The following CYLC2 variants were observed in gnomAD, a reference collection of about 807,000 sequenced individuals.
CYLC2 encodes the protein cylicin 2.
In CYLC2, 30 loss-of-function variants were observed where a neutral mutation model predicts 26.1. The ratio of observed to expected loss-of-function variants is 1.15; its 90% CI spans 0.86 to 1.56. The LOEUF (loss-of-function observed/expected upper bound fraction) is 1.56, where lower values mean the gene tolerates loss of function less well. Among genes scored for constraint, CYLC2 ranks in the 40% most tolerant of loss-of-function variants. The pLI is 0.00. For missense variants in CYLC2, 498 were observed against 394.4 expected, an observed-to-expected ratio of 1.26 and a Z score of -2.23; for synonymous variants, 158 against 132.8, an observed-to-expected ratio of 1.19 and a Z score of -1.31.
At chr9:103,017,437 G>T (rs1829518819) in intron 7 of CYLC2, among the ~76,000 whole-genome samples, 1 of 151,990 alleles carries the variant, frequency 6.6e-6, no homozygotes, top group African/African-American at 2.4e-5. Flanking sequence ...ACACAAATTA[G>T]AGTTTTAGTT....
rs775512382 is a variant in CYLC2, at chr9:103,005,327, A to T, written c.696A>T (p.Ile232=). The T allele has an allele frequency of 5.6e-6, 9 of 1,613,808 alleles. No homozygotes were observed. Among genetic ancestry groups the T allele is most frequent in the Middle Eastern group, 1.6e-4 (1 of 6,082 alleles). The stretch of plus-strand genomic sequence containing the variant: ...CAAAGAAGGGCAAGGATTCAGCCAT[A>T]GAATTACAAGCTGTAAAAGCAGATG... ...KDSKKGKDSA[I]ELQAVKADEK... Residue 232 remains isoleucine, a synonymous_variant, in exon 5 of 8, where the codon ATA becomes ATT. Coordinates refer to ENST00000374798, the MANE Select transcript of CYLC2 (RefSeq NM_001340.5).
At chr9:103,003,326 CATA>C (rs1829307944) in intron 3 of CYLC2, 63 bp downstream of exon 3, 1 of 1,380,544 alleles carries the variant, frequency 7.2e-7, no homozygotes, top group Non-Finnish European at 1.0e-6. Context: ...TAATTATAAC[CATA>C]ATAAGTAATT....
chr9:103,006,017 G>GACACATACAC lies in CYLC2; in HGVS notation c.*344_*345insTACACACACA, dbSNP rs1829344805. ...TGAAGATAATGACACTAAATCTATG[G>GACACATACAC]ACACACACACACACACACACACACA... On this transcript the variant is annotated 3_prime_UTR_variant, in exon 5 of 8. Transcript: ENST00000374798. 2.5e-5 allele frequency: 3 copies of GACACATACAC among 120,036 alleles called. No homozygotes were observed. The allele number at this position is 120,036 out of a possible 1,614,324, so 7.4% of individuals were successfully genotyped here.
intron 3 of CYLC2, among the ~76,000 whole-genome samples, chr9:103,004,175 A>C (rs1829315796): frequency 6.6e-6 from 1 of 152,104 alleles, no homozygotes; most frequent in Non-Finnish European, 1.5e-5. Context: ...TTCAGTTACC[A>C]ATCTGATCAT....
Position 103,005,236 on chromosome 9 carries a change from C to A in CYLC2, c.605C>A (p.Ser202Ter), listed in dbSNP as rs761541743. The A allele has an allele frequency of 1.9e-6, 3 of 1,612,120 alleles. No homozygotes were observed. The highest frequency in any genetic ancestry group is 1.7e-6 in the Non-Finnish European group (2 of 1,179,558). Reference sequence around the variant, plus strand: ...AAGGATTCAAACAAAGGCAAAGACTCGGCAACAGAATCTGAAGGTGAAAAA... The same window carrying A: ...AAGGATTCAAACAAAGGCAAAGACTAGGCAACAGAATCTGAAGGTGAAAAA... Reference protein sequence around the residue: ...DKKDSNKGKDSATESEGEKGG... With the variant: ...DKKDSNKGKD The change falls in exon 5 of 8, where the codon TCG becomes TAG. Residue 202 changes from serine (S) to a stop codon, truncating the protein, a stop_gained. Coordinates refer to ENST00000374798, the MANE Select transcript of CYLC2 (RefSeq NM_001340.5). LOFTEE classifies it high-confidence loss of function.
chr9:103,009,391 A>G (rs1292905062), intron 5 of CYLC2, among the ~76,000 whole-genome samples: 2 of 151,876 alleles, frequency 1.3e-5, no homozygotes, highest in African/African-American at 4.8e-5. Context: ...TTTTGTAGAG[A>G]TGGAGTTTTG....
chr9:103,001,529 A>T (rs1829288807), intron 1 of CYLC2, 49 bp from the exon 2 acceptor site: 1 of 1,156,070 alleles, frequency 8.6e-7, no homozygotes, highest in South Asian at 1.3e-5. Flanking sequence ...AGTTTAAAAC[A>T]GTGATTTTTA....
At chr9:103,013,400 A>C (rs1829439949) in intron 6 of CYLC2, among the ~76,000 whole-genome samples, 1 of 101,556 alleles carries the variant, frequency 9.8e-6, no homozygotes. Flanking sequence ...ATATTATATA[A>C]ATATATATTT....
rs1829331123 is a variant in CYLC2, at chr9:103,005,270, A to G, written c.639A>G (p.Thr213=). ...ATESEGEKGG[T]EKDSKKGKKD... Reference sequence around the variant, plus strand: ...AATCTGAAGGTGAAAAAGGAGGTACAGAGAAAGATAGCAAAAAAGGTAAAA... The same window carrying G: ...AATCTGAAGGTGAAAAAGGAGGTACGGAGAAAGATAGCAAAAAAGGTAAAA... The change falls in exon 5 of 8, where the codon ACA becomes ACG. Residue 213 remains threonine (T), a synonymous_variant. Coordinates refer to ENST00000374798, the MANE Select transcript of CYLC2 (RefSeq NM_001340.5). 2.5e-6 allele frequency: 4 copies of G among 1,613,688 alleles called. No individual in the cohort carries two copies. Among genetic ancestry groups the G allele is most frequent in the Non-Finnish European group, 3.4e-6 (4 of 1,179,896 alleles).
intron 6 of CYLC2, among the ~76,000 whole-genome samples, chr9:103,014,375 T>G (rs1020801569): frequency 7.3e-6 from 1 of 136,416 alleles, no homozygotes. Context: ...ATATACATTA[T>G]GTATATTACG....
At chr9:102,996,106 CA>C (rs1296301823) in intron 1 of CYLC2, among the ~76,000 whole-genome samples, 2 of 151,622 alleles carry the variant, frequency 1.3e-5, no homozygotes, top group Non-Finnish European at 3.0e-5. Context: ...CTTAATTTAG[CA>C]GTATTGTTAA....
At chr9:103,008,245 C>T (rs1222898725) in intron 5 of CYLC2, among the ~76,000 whole-genome samples, 1 of 151,994 alleles carries the variant, frequency 6.6e-6, no homozygotes, top group Non-Finnish European at 1.5e-5. Flanking sequence ...AAAAATTGAG[C>T]TTCTACCTTT....
chr9:102,998,938 A>G (rs1426452924), intron 1 of CYLC2, among the ~76,000 whole-genome samples: 3 of 152,068 alleles, frequency 2.0e-5, no homozygotes, highest in South Asian at 4.1e-4. Context: ...TATTGCACAT[A>G]TAAGTAATTT....
Position 103,005,740 on chromosome 9 carries a change from G to A in CYLC2, c.*62G>A. 2.0e-6 allele frequency: 3 copies of A among 1,505,414 alleles called. No homozygotes were observed. Among genetic ancestry groups the A allele is most frequent in the Non-Finnish European group, 2.7e-6 (3 of 1,121,826 alleles). 93.3% of individuals were successfully genotyped at this position (1,505,414 alleles called of 1,614,324 possible). On this transcript the variant is annotated 3_prime_UTR_variant, in exon 5 of 8. Coordinates refer to ENST00000374798, the MANE Select transcript of CYLC2 (RefSeq NM_001340.5). ...AAAGCATATTTGATGAAACAATAGT[G>A]GTAGTCTGCAGCTGAATTTGTGAGA...
rs930430967 is a variant in CYLC2 at position 103,009,590 on chromosome 9, A to G, written c.*701-2392A>G. Among the ~76,000 whole-genome samples, 37 of 152,142 alleles carry G rather than the reference A, an allele frequency of 2.4e-4. 1 individual carries two copies. The highest frequency in any genetic ancestry group is 2.4e-3 in the Admixed American group (36 of 15,264). ...TTAAAAACAATATAAATATACTCTT[A>G]TAGTGATTTTTAAATGTACAGTTAT... On this transcript the variant is annotated intron_variant, in intron 5 of 7. Transcript: ENST00000374798.
intron 5 of CYLC2, among the ~76,000 whole-genome samples, chr9:103,007,794 AAAGG>A (rs1564098904): frequency 6.6e-6 from 1 of 152,168 alleles, no homozygotes; most frequent in African/African-American, 2.4e-5. Context: ...CTTGGACATT[AAAGG>A]AAGGGTCTCC....
chr9:103,010,169 G>C (rs376587063), intron 5 of CYLC2, among the ~76,000 whole-genome samples: 3 of 151,936 alleles, frequency 2.0e-5, no homozygotes, highest in Admixed American at 6.6e-5. Context: ...TACTGAAAAA[G>C]TGCATAGAAG....
chr9:103,008,929 C>G (rs763497940), intron 5 of CYLC2, among the ~76,000 whole-genome samples: 8 of 152,134 alleles, frequency 5.3e-5, no homozygotes, highest in Non-Finnish European at 7.4e-5. Context: ...TGATGCCACA[C>G]TTACCATCAA....
chr9:103,018,173 C>A (rs1829526145), intron 7 of CYLC2, among the ~76,000 whole-genome samples, 152 bp from the exon 8 acceptor site: 1 of 151,998 alleles, frequency 6.6e-6, no homozygotes, highest in African/African-American at 2.4e-5. Flanking sequence ...GGTAGAAACT[C>A]TAATTTGTTT....
Sources: allele counts gnomAD v4.1 joint callset (sites outside exome capture counted in the v4.1 genomes callset), GRCh38; gene constraint gnomAD v4.1.1; transcripts MANE v1.5; gene names NCBI Gene and HGNC (gene_info 2026-07-23, HGNC 2026-07-21).